Variants in MCF2L observed in about 807,000 individuals in gnomAD.
MCF2L encodes MCF.2 cell line derived transforming sequence like, also known as guanine nucleotide exchange factor DBS.
A neutral mutation model predicts 153.4 loss-of-function variants in MCF2L; 97 were observed. The observed-to-expected ratio is 0.63, with a 90% CI of 0.54 to 0.75. The LOEUF (loss-of-function observed/expected upper bound fraction) is 0.75. Ranked by LOEUF, MCF2L falls within the 30% of genes least tolerant of loss-of-function variation. MCF2L has a pLI of 0.00. For missense variants in MCF2L, 1,347 were observed against 1,495.2 expected, an observed-to-expected ratio of 0.90 and a Z score of 1.64; for synonymous variants, 659 against 632.2, an observed-to-expected ratio of 1.04 and a Z score of -0.64.
chr13:112,925,173 A>G (rs1280018054), intron 2 of MCF2L, among the ~76,000 whole-genome samples: 6 of 152,204 alleles, frequency 3.9e-5, no homozygotes, highest in Admixed American at 2.0e-4. Flanking sequence ...CAAGGGCAAA[A>G]TGTACATTAA....
intron 26 of MCF2L, chr13:113,091,005 G>A: frequency 8.0e-7 from 1 of 1,257,426 alleles, no homozygotes; most frequent in Non-Finnish European, 1.0e-6. Context: ...CGGTGGAAAG[G>A]GGCCACAACG....
chr13:113,070,379 T>C lies in MCF2L; in HGVS notation c.996+206T>C. The C allele has an allele frequency of 4.9e-6, 2 of 404,934 alleles. No homozygotes were observed. Among genetic ancestry groups the C allele is most frequent in the Non-Finnish European group, 8.7e-6 (2 of 229,196 alleles). 25.1% of individuals were successfully genotyped at this position (404,934 alleles called of 1,614,324 possible). A position where few individuals can be genotyped will look rare whatever the true frequency, so the allele number is the denominator to read the frequency against. ...CACGATTGATGACTGCGTCATTGTA[T>C]AGAAAGGTGATTGAAAATCAGCTCA... On this transcript the variant is annotated intron_variant, in intron 9 of 29. Coordinates refer to ENST00000535094, the MANE Select transcript of MCF2L (RefSeq NM_001112732.3). This position sits in a 1 kb window ranked among gnomAD's most constrained non-coding sequence, Gnocchi z 5.6.
chr13:112,995,957 A>T (rs1262767071), intron 1 of MCF2L, among the ~76,000 whole-genome samples: 2 of 152,168 alleles, frequency 1.3e-5, no homozygotes, highest in Non-Finnish European at 2.9e-5. Context: ...TCCCAAGCAC[A>T]GTACAGCCCT....
intron 1 of MCF2L, among the ~76,000 whole-genome samples, chr13:113,005,239 G>T (rs2083609015): frequency 1.3e-5 from 2 of 152,206 alleles, no homozygotes; most frequent in South Asian, 4.1e-4. Flanking sequence ...CAAAGCCACG[G>T]CCTGCTGAGT....
intron 1 of MCF2L, among the ~76,000 whole-genome samples, chr13:112,900,384 C>T (rs534786259): frequency 6.6e-6 from 1 of 152,366 alleles, no homozygotes; most frequent in East Asian, 1.9e-4. Context: ...ATGAGATGCG[C>T]AGGCAGCCTC....
In MCF2L at chr13:112,907,317, A is replaced by G. The variant is rs544651360; in HGVS notation, c.169+4946A>G. Among the ~76,000 whole-genome samples, 1 of 152,252 alleles carries G rather than the reference A, an allele frequency of 6.6e-6. No individual in the cohort carries two copies. The highest frequency in any genetic ancestry group is 1.9e-4 in the East Asian group (1 of 5,174). On this transcript the variant is annotated intron_variant, in intron 2 of 29. Transcript: ENST00000375608. This position sits in a 1 kb window ranked among gnomAD's most constrained non-coding sequence, Gnocchi z 5.1. ...GAAAATGTACTTTGGGGAAGGGGAA[A>G]ATGACCACAAGAAACAGATACTTGG...
intron 2 of MCF2L, among the ~76,000 whole-genome samples, chr13:112,955,044 C>G (rs1251252920): frequency 6.6e-6 from 1 of 152,214 alleles, no homozygotes; most frequent in African/African-American, 2.4e-5. Context: ...ACCTCCAGAG[C>G]TCTGCTGAGT....
chr13:112,902,853 C>T (rs938160858), intron 2 of MCF2L, among the ~76,000 whole-genome samples: 2 of 152,150 alleles, frequency 1.3e-5, no homozygotes, highest in Non-Finnish European at 2.9e-5. Context: ...TTGGCTGTAC[C>T]CCGAGGTGAG....
chr13:113,082,584 T>G, intron 17 of MCF2L, 42 bp downstream of exon 17: 337 of 1,334,030 alleles, frequency 2.5e-4, no homozygotes, highest in Non-Finnish European at 3.3e-4. Context: ...CCGTGATCTC[T>G]TGCAGCTAAT....
At chr13:113,049,038 C>T (rs995369654) in intron 4 of MCF2L, among the ~76,000 whole-genome samples, 2 of 152,176 alleles carry the variant, frequency 1.3e-5, no homozygotes, top group African/African-American at 4.8e-5. Flanking sequence ...CCCCTGCTAC[C>T]CAGGAGCCCG....
chr13:112,928,027 T>C (rs1392532396), intron 2 of MCF2L, among the ~76,000 whole-genome samples: 1 of 152,242 alleles, frequency 6.6e-6, no homozygotes, highest in Non-Finnish European at 1.5e-5. Flanking sequence ...TGGCTAGATA[T>C]TTAATTCTGA....
Position 113,024,814 on chromosome 13 carries a change from AT to A in MCF2L, c.278+59del, listed in dbSNP as rs1300681991. 11 of 1,381,562 alleles carry A rather than the reference AT, an allele frequency of 8.0e-6. No individual in the cohort carries two copies. In the East Asian group the frequency reaches 2.3e-4, roughly 29 times the overall value. The allele number at this position is 1,381,562 out of a possible 1,614,324, so 85.6% of individuals were successfully genotyped here. Reference sequence around the variant, plus strand: ...TGGTTTGGGGCAGAGTCCCTGTGAGATTTCACCAGGGTGGGGTCCCTGCAAC... The same window carrying A: ...TGGTTTGGGGCAGAGTCCCTGTGAGATTCACCAGGGTGGGGTCCCTGCAAC... On this transcript the variant is annotated intron_variant, in intron 3 of 29. Coordinates refer to ENST00000535094, the MANE Select transcript of MCF2L (RefSeq NM_001112732.3).
chr13:112,970,425 G>A (rs2082000370), intron 1 of MCF2L, among the ~76,000 whole-genome samples: 1 of 152,116 alleles, frequency 6.6e-6, no homozygotes, highest in African/African-American at 2.4e-5. Context: ...TTTAATGGGG[G>A]CTTTTATGAT....
rs1018169123 is a variant in MCF2L at position 113,045,465 on chromosome 13, A to T, written c.369+104A>T. On this transcript the variant is annotated intron_variant, in intron 4 of 29. Coordinates refer to ENST00000535094, the MANE Select transcript of MCF2L (RefSeq NM_001112732.3). The surrounding 1 kb of genome is among the most constrained non-coding windows in gnomAD (Gnocchi z 4.2). ...CTGCCGCAGTTCCTGCTTTGTGCTG[A>T]GTGGGACAGAGCCCAGTCCCGGCGG... is the stretch of plus-strand genomic sequence containing the variant. The T allele has an allele frequency of 1.7e-5, 18 of 1,036,784 alleles. No individual in the cohort carries two copies. Among genetic ancestry groups the T allele is most frequent in the Non-Finnish European group, 2.6e-5 (18 of 680,100 alleles). The allele number at this position is 1,036,784 out of a possible 1,614,324, so 64.2% of individuals were successfully genotyped here.
At chr13:112,985,068 CGGGGTCCCTTGTGCCT>C in intron 1 of MCF2L, 1 of 216,770 alleles carries the variant, frequency 4.6e-6, no homozygotes. Flanking sequence ...ATGCCCCCAG[CGGGGTCCCTTGTGCCT>C]GGACCCAAGG....
chr13:113,024,199 T>A (rs892865878), intron 2 of MCF2L, among the ~76,000 whole-genome samples: 5 of 152,164 alleles, frequency 3.3e-5, no homozygotes, highest in African/African-American at 1.2e-4. Context: ...AACAGTACAG[T>A]TAGGCAGGTT....
intron 8 of MCF2L, among the ~76,000 whole-genome samples, chr13:113,066,873 G>C (rs2032454574): frequency 6.6e-6 from 1 of 152,216 alleles, no homozygotes; most frequent in Non-Finnish European, 1.5e-5. Context: ...CCCAGGCCTG[G>C]ACCAAGCTGG....
At chr13:112,894,519 C>G (rs1051810569) in intron 1 of MCF2L, 3 of 151,844 alleles carry the variant, frequency 2.0e-5, no homozygotes, top group African/African-American at 7.3e-5. Flanking sequence ...CGCGGTCGCT[C>G]CCGGAGCGGG....
chr13:113,022,844 C>G (rs2084978718), intron 2 of MCF2L, among the ~76,000 whole-genome samples: 1 of 152,238 alleles, frequency 6.6e-6, no homozygotes, highest in East Asian at 1.9e-4. Flanking sequence ...CACTCCAGGG[C>G]CTCTTATCAT....
Sources: gnomAD v4.1 joint callset for allele counts (sites outside exome capture counted in the v4.1 genomes callset) on GRCh38, gnomAD v4.1.1 for gene constraint, Gnocchi (gnomAD v3.1) non-coding constraint, MANE v1.5 for transcripts, NCBI Gene and HGNC (gene_info 2026-07-23, HGNC 2026-07-21) for gene names.